Variants in CRYZL1 observed in about 807,000 individuals in gnomAD.
The protein encoded by CRYZL1 is ferry endosomal RAB5 effector complex subunit 4.
In CRYZL1, 34 loss-of-function variants were observed where a neutral mutation model predicts 50.6. The ratio of observed to expected loss-of-function variants is 0.67; its 90% CI spans 0.51 to 0.89. CRYZL1 has a LOEUF of 0.89. Ranked by LOEUF, CRYZL1 falls within the 40% of genes least tolerant of loss-of-function variation. The pLI is 0.00. For missense variants in CRYZL1, 354 were observed against 402.3 expected (o/e 0.88, Z 1.03); for synonymous variants, 125 against 134.3 (o/e 0.93, Z 0.48).
chr21:33,620,847 A>G (rs1455729179), intron 4 of CRYZL1, among the ~76,000 whole-genome samples: 1 of 150,406 alleles, frequency 6.6e-6, no homozygotes, highest in Non-Finnish European at 1.5e-5. Context: ...AAAACCAAAG[A>G]AGCTAGACAA....
At chr21:33,600,935 T>TTTTTTTC (rs2086747641) in intron 8 of CRYZL1, among the ~76,000 whole-genome samples, 1 of 102,824 alleles carries the variant, frequency 9.7e-6, no homozygotes, top group Non-Finnish European at 1.9e-5. Flanking sequence ...TCCATAAAGT[T>TTTTTTTC]TTTTTTTTTT....
At chr21:33,625,531 G>A (rs564961411) in intron 2 of CRYZL1, among the ~76,000 whole-genome samples, 9 of 151,658 alleles carry the variant, frequency 5.9e-5, no homozygotes, top group South Asian at 2.1e-4. Flanking sequence ...TCTCCCACGC[G>A]GGAATGCAGT....
At chr21:33,607,601 C>T (rs981849127) in intron 6 of CRYZL1, among the ~76,000 whole-genome samples, 1 of 152,090 alleles carries the variant, frequency 6.6e-6, no homozygotes, top group Non-Finnish European at 1.5e-5. Flanking sequence ...CACTTCACTG[C>T]AGCCTGGGCT....
At chr21:33,618,013 G>C (rs1266163089) in intron 4 of CRYZL1, among the ~76,000 whole-genome samples, 1 of 152,168 alleles carries the variant, frequency 6.6e-6, no homozygotes, top group Non-Finnish European at 1.5e-5. Flanking sequence ...ATGATGGCCG[G>C]GCGCGGTGGC....
At chr21:33,592,722 C>G (rs1207559694) in intron 11 of CRYZL1, among the ~76,000 whole-genome samples, 1 of 152,112 alleles carries the variant, frequency 6.6e-6, no homozygotes, top group South Asian at 2.1e-4. Context: ...AGGGTTTGCA[C>G]AAGTGAGGAC....
intron 1 of CRYZL1, among the ~76,000 whole-genome samples, chr21:33,634,188 G>A (rs1029780251): frequency 2.0e-5 from 3 of 152,090 alleles, no homozygotes; most frequent in Non-Finnish European, 4.4e-5. Context: ...TTTGTTTGGG[G>A]GCTGGGGAGA....
In CRYZL1 at chr21:33,589,645, A is replaced by G; in HGVS notation, c.*177T>C. 1 of 569,118 alleles carries G rather than the reference A, an allele frequency of 1.8e-6. No homozygotes were observed. The highest frequency in any genetic ancestry group is 3.2e-6 in the Non-Finnish European group (1 of 313,916). 35.3% of individuals were successfully genotyped at this position (569,118 alleles called of 1,614,324 possible). On this transcript the variant is annotated 3_prime_UTR_variant, in exon 13 of 13. Transcript: ENST00000381554. ...TAGAATTATCTTGATCATTTGCACA[A>G]GAATTTTTCAAACACTTTTCAAATG... is the stretch of plus-strand genomic sequence containing the variant.
chr21:33,605,276 CTCTT>C (rs140993918), intron 6 of CRYZL1, among the ~76,000 whole-genome samples: 29,999 of 151,586 alleles, frequency 0.2, 3,614 homozygotes, highest in Non-Finnish European at 0.26. Context: ...TGTTTTCAAT[CTCTT>C]TAACAGTATC....
Position 33,616,962 on chromosome 21 carries a change from C to G in CRYZL1, c.218-212G>C, listed in dbSNP as rs2086941141. 2 of 350,938 alleles carry G rather than the reference C, an allele frequency of 5.7e-6. 1 individual carries two copies. Among genetic ancestry groups the G allele is most frequent in the Non-Finnish European group, 1.0e-5 (2 of 194,856 alleles). The allele number at this position is 350,938 out of a possible 1,614,324, so 21.7% of individuals were successfully genotyped here. Reference sequence around the variant, plus strand: ...AATCTGGATTCTCTAGATATTTGGGCCATGCGATTATTGTGACCAGGAGAA... The same window carrying G: ...AATCTGGATTCTCTAGATATTTGGGGCATGCGATTATTGTGACCAGGAGAA... On this transcript the variant is annotated intron_variant, in intron 4 of 12. Transcript: ENST00000381554.
intron 11 of CRYZL1, among the ~76,000 whole-genome samples, chr21:33,592,919 G>A (rs547533374): frequency 1.0e-3 from 152 of 152,058 alleles, no homozygotes; most frequent in Non-Finnish European, 2.0e-3. Context: ...GGGCATGGTG[G>A]CATGCGCCTA....
At chr21:33,607,052 C>T (rs1434651134) in intron 6 of CRYZL1, among the ~76,000 whole-genome samples, 1 of 152,066 alleles carries the variant, frequency 6.6e-6, no homozygotes, top group Non-Finnish European at 1.5e-5. Flanking sequence ...AGCCATATTT[C>T]AGCATCTAAG....
chr21:33,625,730 T>C lies in CRYZL1; in HGVS notation c.67-970A>G, dbSNP rs549904999. ...AAGTCCTGGGCTCAAGCAATCCTCA[T>C]GCCTCAGCCTCCCAAAGTGCTGGGA... On this transcript the variant is annotated intron_variant, in intron 2 of 12. Coordinates refer to ENST00000381554, the MANE Select transcript of CRYZL1 (RefSeq NM_145858.3). Among the ~76,000 whole-genome samples the C allele has an allele frequency of 4.2e-3, 640 of 151,654 alleles. 6 individuals carry two copies. Among genetic ancestry groups the C allele is most frequent in the South Asian group, 0.018 (88 of 4,784 alleles).
At chr21:33,592,345 C>T (rs967424325) in intron 11 of CRYZL1, among the ~76,000 whole-genome samples, 7 of 151,792 alleles carry the variant, frequency 4.6e-5, no homozygotes, top group Non-Finnish European at 7.4e-5. Flanking sequence ...CTATGTTGCC[C>T]GGGCTGGTCT....
chr21:33,610,765 ACT>A (rs975230628), intron 6 of CRYZL1, among the ~76,000 whole-genome samples: 1 of 108,484 alleles, frequency 9.2e-6, no homozygotes, highest in African/African-American at 3.6e-5. Context: ...ACAGAGTCTT[ACT>A]CTGTCACCGA....
At chr21:33,607,620 A>G (rs2086827202) in intron 6 of CRYZL1, among the ~76,000 whole-genome samples, 1 of 152,196 alleles carries the variant, frequency 6.6e-6, no homozygotes, top group South Asian at 2.1e-4. Context: ...CTACAGAGTA[A>G]GACCCTGTCT....
At position 33,602,265 on chromosome 21, in the gene CRYZL1, C is replaced by T; in HGVS notation, c.546G>A (p.Lys182=). 6.2e-7 allele frequency: 1 copy of T among 1,609,584 alleles called. No individual in the cohort carries two copies. The change falls in exon 8 of 13, where the codon AAG becomes AAA. Residue 182 remains lysine (K), a synonymous_variant. Transcript: ENST00000381554. ...VISTACSLED[K]QCLERFRPPI... Reference sequence around the variant, plus strand: ...GAGGTCTGAATCTTTCAAGGCACTGCTTATCTTCAAGGCTGCATGCTGTTG... The same window carrying T: ...GAGGTCTGAATCTTTCAAGGCACTGTTTATCTTCAAGGCTGCATGCTGTTG...
At chr21:33,614,894 A>G (rs765639925) in intron 5 of CRYZL1, among the ~76,000 whole-genome samples, 1 of 151,920 alleles carries the variant, frequency 6.6e-6, no homozygotes, top group African/African-American at 2.4e-5. Context: ...ATAAAATCCC[A>G]TTTTTCTTCT....
At chr21:33,622,207 A>G (rs1214682003) in intron 3 of CRYZL1, 139 bp from the exon 4 acceptor site, 6 of 661,636 alleles carry the variant, frequency 9.1e-6, no homozygotes, top group Non-Finnish European at 1.6e-5. Flanking sequence ...GACAAAGCAA[A>G]TAACTTCACA....
rs368922716 is a variant in CRYZL1 at position 33,599,155 on chromosome 21, G to A, written c.671C>T (p.Ala224Val). ...GGLGVDIVLD[A>V]GVRLYSKDDE... ...TAATTTCATAAGGTACCTACCTCCA[G>A]CATCTAGGACAATATCTACTCCCAG... The change falls in exon 9 of 13, where the codon GCT becomes GTT. Residue 224 changes from alanine to valine, a missense_variant. Ala to Val is a moderately conservative substitution (Grantham distance 64, BLOSUM62 0). Coordinates refer to ENST00000381554, the MANE Select transcript of CRYZL1 (RefSeq NM_145858.3). 6.2e-7 allele frequency: 1 copy of A among 1,613,862 alleles called. No homozygotes were observed. Among genetic ancestry groups the A allele is most frequent in the South Asian group, 1.1e-5 (1 of 91,060 alleles).
Sources: gnomAD v4.1 joint callset for allele counts (sites outside exome capture counted in the v4.1 genomes callset) on GRCh38, gnomAD v4.1.1 for gene constraint, MANE v1.5 for transcripts, NCBI Gene and HGNC (gene_info 2026-07-23, HGNC 2026-07-21) for gene names.